Variants in RSPO2 observed in about 807,000 individuals in gnomAD.
The protein encoded by RSPO2 is R-spondin 2.
Under a neutral mutation model 30.9 loss-of-function variants are expected in RSPO2, and 14 were observed. The observed-to-expected ratio is 0.45, with a 90% CI of 0.30 to 0.71. The LOEUF (loss-of-function observed/expected upper bound fraction) is 0.71. RSPO2 is among the 30% of genes least tolerant of loss of function. The pLI is 0.08. For synonymous variants in RSPO2, 107 were observed against 96.4 expected, an observed-to-expected ratio of 1.11 and a Z score of -0.64; for missense variants, 264 against 301.9, an observed-to-expected ratio of 0.87 and a Z score of 0.93.
intron 5 of RSPO2, among the ~76,000 whole-genome samples, chr8:107,945,241 CTTTT>C (rs754722790): frequency 1.2e-4 from 9 of 74,816 alleles, no homozygotes; most frequent in Middle Eastern, 0.013. Flanking sequence ...ATTCTTTTAC[CTTTT>C]TTTTTTTTTT....
intron 2 of RSPO2, among the ~76,000 whole-genome samples, chr8:108,008,787 C>A (rs1232579983): frequency 5.3e-4 from 66 of 123,608 alleles, no homozygotes; most frequent in South Asian, 7.8e-4. Flanking sequence ...TCATAAACTG[C>A]AAAAAAAAAA....
At chr8:107,937,110 T>C (rs1404567067) in intron 5 of RSPO2, among the ~76,000 whole-genome samples, 1 of 152,012 alleles carries the variant, frequency 6.6e-6, no homozygotes, top group African/African-American at 2.4e-5. Context: ...CTAGTAGTTT[T>C]ATGGTTTCAG....
chr8:107,991,848 C>T (rs1172461023), intron 2 of RSPO2, among the ~76,000 whole-genome samples: 5 of 152,068 alleles, frequency 3.3e-5, no homozygotes, highest in African/African-American at 1.2e-4. Context: ...CCATCTCCCA[C>T]CAGTCAGAAT....
chr8:107,990,598 G>A (rs1185722848), intron 2 of RSPO2, among the ~76,000 whole-genome samples: 1 of 152,054 alleles, frequency 6.6e-6, no homozygotes, highest in African/African-American at 2.4e-5. Context: ...ATGGATAGAA[G>A]AATCAATATT....
chr8:108,055,500 G>C (rs962259862), intron 2 of RSPO2, among the ~76,000 whole-genome samples: 1 of 152,184 alleles, frequency 6.6e-6, no homozygotes, highest in African/African-American at 2.4e-5. Flanking sequence ...ATCACAGAAA[G>C]ATCAGTGGGA....
chr8:108,031,387 T>C (rs1004601503), intron 2 of RSPO2, among the ~76,000 whole-genome samples: 2 of 152,244 alleles, frequency 1.3e-5, no homozygotes, highest in Non-Finnish European at 2.9e-5. Flanking sequence ...GGCCTTATTA[T>C]GCTACCAACT....
chr8:108,023,412 G>T (rs1364091205), intron 2 of RSPO2, among the ~76,000 whole-genome samples: 1 of 152,138 alleles, frequency 6.6e-6, no homozygotes, highest in African/African-American at 2.4e-5. Flanking sequence ...GAGAGTCTTT[G>T]TCAAGGAAAC....
At chr8:107,978,917 A>G (rs1307327241) in intron 3 of RSPO2, among the ~76,000 whole-genome samples, 6 of 152,320 alleles carry the variant, frequency 3.9e-5, no homozygotes, top group South Asian at 4.1e-4. Context: ...GCAGCCAAAA[A>G]ACACATGAAA....
At chr8:107,918,374 C>T (rs1812043514) in intron 5 of RSPO2, among the ~76,000 whole-genome samples, 1 of 152,032 alleles carries the variant, frequency 6.6e-6, no homozygotes, top group South Asian at 2.1e-4. Context: ...TAATGGGACA[C>T]CATTGGAGAA....
intron 5 of RSPO2, among the ~76,000 whole-genome samples, chr8:107,954,407 T>A (rs1813347433): frequency 6.6e-6 from 1 of 152,186 alleles, no homozygotes; most frequent in Non-Finnish European, 1.5e-5. Flanking sequence ...AGCTTCAGGT[T>A]ATATATTCAT....
intron 2 of RSPO2, among the ~76,000 whole-genome samples, chr8:108,023,665 T>C (rs1231836082): frequency 2.0e-5 from 3 of 152,110 alleles, no homozygotes; most frequent in East Asian, 1.9e-4. Context: ...CCATAATATA[T>C]ATGGCTCTAC....
At chr8:108,014,264 C>T (rs906756693) in intron 2 of RSPO2, among the ~76,000 whole-genome samples, 1 of 152,110 alleles carries the variant, frequency 6.6e-6, no homozygotes, top group South Asian at 2.1e-4. Context: ...ATTAGTTCAA[C>T]CATTGTTGAA....
At chr8:107,983,430 T>C in intron 3 of RSPO2, 2 of 1,601,554 alleles carry the variant, frequency 1.2e-6, no homozygotes, top group Non-Finnish European at 1.7e-6. Context: ...ACAAACCCTC[T>C]GTAGAGGATG....
rs1443164213 is a variant in RSPO2, at chr8:107,899,365, G to C, written c.*1710C>G. ...AAAAAGAACATCCCAGGAACAACAG[G>C]TATTGACTTATTAACGATGAAGCAC... On this transcript the variant is annotated 3_prime_UTR_variant, in exon 6 of 6. Transcript: ENST00000276659. 6.6e-6 allele frequency: 1 copy of C among 152,520 alleles called. No individual in the cohort carries two copies. Among genetic ancestry groups the C allele is most frequent in the African/African-American group, 2.4e-5 (1 of 41,404 alleles). The allele number at this position is 152,520 out of a possible 1,614,324, so 9.4% of individuals were successfully genotyped here. A position where few individuals can be genotyped will look rare whatever the true frequency, so the allele number is the denominator to read the frequency against.
intron 2 of RSPO2, among the ~76,000 whole-genome samples, chr8:108,012,890 G>C (rs1447119606): frequency 6.6e-6 from 1 of 152,102 alleles, no homozygotes; most frequent in Non-Finnish European, 1.5e-5. Flanking sequence ...CCCTCATGTT[G>C]GAATTTACTC....
Position 107,935,852 on chromosome 8 carries a change from T to C in RSPO2, c.616+22228A>G, listed in dbSNP as rs559680143. 3.3e-5 allele frequency among the ~76,000 whole-genome samples: 5 copies of C among 152,284 alleles called. No homozygotes were observed. The South Asian group carries it at 1.0e-3, about 32-fold the overall frequency. On this transcript the variant is annotated intron_variant, in intron 5 of 5. Transcript: ENST00000276659. ...GATAACAAAATATTTTACCTATCTA[T>C]GGGTACATCTGAATATTTGTTACAT...
At chr8:108,081,527 C>A (rs1360690760) in intron 2 of RSPO2, among the ~76,000 whole-genome samples, 1 of 152,208 alleles carries the variant, frequency 6.6e-6, no homozygotes, top group Non-Finnish European at 1.5e-5. Context: ...GCCCTTCCTG[C>A]GCGGGTAATT....
At chr8:107,936,401 G>C (rs915585255) in intron 5 of RSPO2, among the ~76,000 whole-genome samples, 1 of 152,130 alleles carries the variant, frequency 6.6e-6, no homozygotes, top group African/African-American at 2.4e-5. Context: ...GAATAGTGCT[G>C]CAATAAACAG....
At chr8:107,924,912 G>A (rs542868169) in intron 5 of RSPO2, among the ~76,000 whole-genome samples, 47 of 151,728 alleles carry the variant, frequency 3.1e-4, no homozygotes, top group African/African-American at 1.1e-3. Flanking sequence ...AAAGCTTTTA[G>A]CACAAAATAC....
Sources: gnomAD v4.1 joint callset for allele counts (sites outside exome capture counted in the v4.1 genomes callset) on GRCh38, gnomAD v4.1.1 for gene constraint, MANE v1.5 for transcripts, NCBI Gene and HGNC (gene_info 2026-07-23, HGNC 2026-07-21) for gene names.